Variants in CHD7 observed in about 807,000 individuals in gnomAD.
CHD7 encodes chromodomain helicase DNA binding protein 7, also known as ATP-dependent chromatin remodeler CHD7.
A neutral mutation model predicts 307.3 loss-of-function variants in CHD7; 24 were observed. The observed-to-expected ratio is 0.08, with a 90% CI of 0.06 to 0.11. The LOEUF is 0.11. Among genes scored for constraint, CHD7 ranks in the 10% least tolerant of loss-of-function variants. The pLI, the probability that CHD7 is intolerant of heterozygous loss-of-function variation, is 1.00. For missense variants in CHD7, 3,106 were observed against 3,727.1 expected (o/e 0.83, Z 4.34); for synonymous variants, 1,363 against 1,349.9 (o/e 1.01, Z -0.21).
intron 35 of CHD7, chr8:60,861,475 TCTC>T (rs1221837623): frequency 5.3e-6 from 1 of 190,382 alleles, no homozygotes; most frequent in East Asian, 1.3e-4. Context: ...CTTTCTCCAG[TCTC>T]CAGACGAGGC....
intron 1 of CHD7, among the ~76,000 whole-genome samples, chr8:60,680,895 G>A (rs1805593070): frequency 6.6e-6 from 1 of 152,058 alleles, no homozygotes; most frequent in African/African-American, 2.4e-5. Context: ...CCCTTTTGGG[G>A]GCTTAATTTC....
intron 7 of CHD7, among the ~76,000 whole-genome samples, chr8:60,810,225 G>C (rs1264506330): frequency 6.6e-6 from 1 of 151,982 alleles, no homozygotes; most frequent in African/African-American, 2.4e-5. Flanking sequence ...CCCTGTTTTA[G>C]TTATGGAGTC....
chr8:60,862,369 C>T lies in CHD7; in HGVS notation c.7971+33C>T, dbSNP rs368711402. On this transcript the variant is annotated intron_variant, in intron 36 of 37. Transcript: ENST00000423902. ...CTGGGAAAGGGAATTGATCACTATG[C>T]GATTTCTTAGCCCAGAAGGAAGTGT... 44 of 1,578,896 alleles carry T rather than the reference C, an allele frequency of 2.8e-5. No individual in the cohort carries two copies. The highest frequency in any genetic ancestry group is 3.4e-5 in the Non-Finnish European group (39 of 1,163,420).
At position 60,742,379 on chromosome 8, in the gene CHD7, G is replaced by T. The variant is rs749302988; in HGVS notation, c.947G>T (p.Ser316Ile). The T allele has an allele frequency of 1.4e-5, 23 of 1,613,852 alleles. No individual in the cohort carries two copies. The highest frequency in any genetic ancestry group is 8.5e-6 in the Non-Finnish European group (10 of 1,179,892). ...NSGQYSRYPY[S>I]NLNQGLVNNT... The stretch of plus-strand genomic sequence containing the variant: ...GGGCAGTATTCTCGATATCCTTACA[G>T]TAACCTAAATCAGGGATTAGTTAAC... The change falls in exon 2 of 38, where the codon AGT (serine) becomes ATT (isoleucine). Residue 316 changes from serine to isoleucine, a missense_variant. By Grantham distance (142) the Ser-to-Ile change is moderately radical (BLOSUM62 -2). This residue lies in a region of CHD7 where 998 missense variants were observed against 1,004.5 expected (regional missense o/e 0.99). Coordinates refer to ENST00000423902, the MANE Select transcript of CHD7 (RefSeq NM_017780.4).
chr8:60,845,330 G>C lies in CHD7; in HGVS notation c.5131G>C (p.Asp1711His), dbSNP rs748590759. The C allele has an allele frequency of 2.5e-6, 4 of 1,613,976 alleles. No individual in the cohort carries two copies. In the South Asian group the frequency reaches 3.3e-5, roughly 13 times the overall value. The change falls in exon 23 of 38, where the codon GAC becomes CAC. Residue 1711 changes from aspartate (D) to histidine (H), a missense_variant. Transcript: ENST00000423902. ...QSTQPVVQDA[D>H]WLASCNPDAL... ...CACACAGCCGGTGGTGCAGGATGCC[G>C]ACTGGCTGGCCAGCTGCAACCCAGA...
Position 60,852,242 on chromosome 8 carries a change from G to A in CHD7, c.5889G>A (p.Arg1963=), listed in dbSNP as rs1343534872. ...GGGAAGCTATTATATCTGAGAAGCG[G>A]CAAAAGTGAGTTTCTTCAAGGTTTC... is the stretch of plus-strand genomic sequence containing the variant. ...AEREAIISEK[R]QKWTRREEAD... Residue 1963 remains arginine, a synonymous_variant, in exon 29 of 38, where the codon CGG becomes CGA. Transcript: ENST00000423902. The A allele has an allele frequency of 1.9e-6, 3 of 1,611,572 alleles. No individual in the cohort carries two copies. The South Asian group carries it at 3.3e-5, about 18-fold the overall frequency.
Position 60,822,021 on chromosome 8 carries a change from C to T in CHD7, c.2836-3C>T. On this transcript the variant is annotated splice_region_variant and splice_polypyrimidine_tract_variant and intron_variant, in intron 10 of 37. Transcript: ENST00000423902. ...CTAATGGGATTTACTATATTTGAAACAGGAGCGACCTCCTGCTGATGATTG... is the reference window on the plus strand; with the variant it reads ...CTAATGGGATTTACTATATTTGAAATAGGAGCGACCTCCTGCTGATGATTG... The T allele has an allele frequency of 2.5e-6, 4 of 1,613,740 alleles. No individual in the cohort carries two copies. The highest frequency in any genetic ancestry group is 3.4e-6 in the Non-Finnish European group (4 of 1,179,762).
intron 1 of CHD7, among the ~76,000 whole-genome samples, chr8:60,726,075 A>G (rs1175492262): frequency 6.6e-6 from 1 of 152,278 alleles, no homozygotes; most frequent in Non-Finnish European, 1.5e-5. Flanking sequence ...TTCCTGGTAA[A>G]TATCCCATAA....
intron 1 of CHD7, among the ~76,000 whole-genome samples, chr8:60,736,990 ATAAAT>A (rs775375645): frequency 1.2e-4 from 18 of 152,154 alleles, no homozygotes; most frequent in Non-Finnish European, 2.5e-4. Flanking sequence ...TATATATAAA[ATAAAT>A]TTAATAAGTA....
chr8:60,835,248 T>C (rs1804688709), intron 15 of CHD7, among the ~76,000 whole-genome samples: 1 of 152,214 alleles, frequency 6.6e-6, no homozygotes, highest in African/African-American at 2.4e-5. Flanking sequence ...AGGGATGTCA[T>C]GGGCCATCTT....
intron 1 of CHD7, among the ~76,000 whole-genome samples, chr8:60,695,493 G>A (rs1806422059): frequency 6.6e-6 from 1 of 152,196 alleles, no homozygotes. Flanking sequence ...ACTAGAAATT[G>A]AAGTTTATCA....
At chr8:60,828,901 TAC>T (rs1263832652) in intron 14 of CHD7, 95 bp downstream of exon 14, 4 of 1,191,748 alleles carry the variant, frequency 3.4e-6, no homozygotes, top group Non-Finnish European at 4.7e-6. Context: ...GTGATTATAT[TAC>T]AGTTTTTCCC....
At position 60,742,443 on chromosome 8, in the gene CHD7, T is replaced by G. The variant is rs765693143; in HGVS notation, c.1011T>G (p.Asn337Lys). The stretch of plus-strand genomic sequence containing the variant: ...ATCAAAATTTAGGCCTTACAAATAA[T>G]ACTCCAATGAATCAGTCCGTACCAA... ...GMNQNLGLTN[N>K]TPMNQSVPRY... Residue 337 changes from asparagine (N) to lysine (K), a missense_variant, in exon 2 of 38, where the codon AAT becomes AAG. Asn to Lys is a moderately conservative substitution (Grantham distance 94). Coordinates refer to ENST00000423902, the MANE Select transcript of CHD7 (RefSeq NM_017780.4). 2.5e-6 allele frequency: 4 copies of G among 1,613,900 alleles called. No homozygotes were observed. In the East Asian group the frequency reaches 8.9e-5, roughly 36 times the overall value.
chr8:60,805,611 G>A (rs972910700), intron 6 of CHD7, among the ~76,000 whole-genome samples: 1 of 152,152 alleles, frequency 6.6e-6, no homozygotes, highest in Non-Finnish European at 1.5e-5. Flanking sequence ...AGCTTTCTGG[G>A]AACAGACTTG....
intron 1 of CHD7, among the ~76,000 whole-genome samples, chr8:60,680,936 T>TA (rs1290503118): frequency 1.3e-5 from 2 of 152,220 alleles, no homozygotes; most frequent in Non-Finnish European, 2.9e-5. Flanking sequence ...AATTTATTTT[T>TA]AAAGGATTTT....
At chr8:60,783,428 C>T (rs916670946) in intron 3 of CHD7, among the ~76,000 whole-genome samples, 1 of 152,166 alleles carries the variant, frequency 6.6e-6, no homozygotes, top group Non-Finnish European at 1.5e-5. Flanking sequence ...ACTAGAGAAA[C>T]ATTCAGTGCA....
chr8:60,847,444 C>T (rs888090985), intron 23 of CHD7, among the ~76,000 whole-genome samples: 2 of 152,192 alleles, frequency 1.3e-5, no homozygotes, highest in Admixed American at 1.3e-4. Flanking sequence ...TTATAACTTG[C>T]CCTGCTTCAT....
At chr8:60,851,865 T>C (rs1805469462) in intron 28 of CHD7, among the ~76,000 whole-genome samples, 154 bp from the exon 29 acceptor site, 1 of 152,238 alleles carries the variant, frequency 6.6e-6, no homozygotes, top group African/African-American at 2.4e-5. Context: ...TCCAAGTGAA[T>C]GTTATTACTT....
intron 1 of CHD7, among the ~76,000 whole-genome samples, chr8:60,733,384 T>C (rs1181353531): frequency 6.6e-6 from 1 of 152,228 alleles, no homozygotes; most frequent in Non-Finnish European, 1.5e-5. Flanking sequence ...GCTATTAGAA[T>C]GTGTGCCCAT....
Sources: gnomAD v4.1 joint callset for allele counts (sites outside exome capture counted in the v4.1 genomes callset) on GRCh38, gnomAD v4.1.1 for gene constraint, gnomAD v4.1.1 regional missense constraint, MANE v1.5 for transcripts, NCBI Gene and HGNC (gene_info 2026-07-23, HGNC 2026-07-21) for gene names.